LARP4: variants seen among roughly 807,000 people sequenced by gnomAD.
LARP4 encodes La ribonucleoprotein 4, also known as la-related protein 4.
Under a neutral mutation model 92.9 loss-of-function variants are expected in LARP4, and 29 were observed. That is an observed-to-expected ratio of 0.31 (90% CI 0.23 to 0.43). The LOEUF (loss-of-function observed/expected upper bound fraction) is 0.43. LARP4 is among the 20% of genes least tolerant of loss of function. The pLI, the probability that LARP4 is intolerant of heterozygous loss-of-function variation, is 1.00. For synonymous variants in LARP4, 279 were observed against 284.1 expected (o/e 0.98, Z 0.18); for missense variants, 732 against 860.0 (o/e 0.85, Z 1.86).
chr12:50,448,418 A>G (rs1426788548), intron 8 of LARP4, among the ~76,000 whole-genome samples: 1 of 152,142 alleles, frequency 6.6e-6, no homozygotes, highest in African/African-American at 2.4e-5. Flanking sequence ...TGTTTCCTCT[A>G]TATTCCCACT....
chr12:50,471,474 G>T (rs1486798732), intron 13 of LARP4, among the ~76,000 whole-genome samples: 2 of 152,176 alleles, frequency 1.3e-5, no homozygotes, highest in African/African-American at 4.8e-5. Context: ...ATGTGAGCAA[G>T]AACTTTTCTA....
chr12:50,415,238 T>G (rs116791183), intron 1 of LARP4, among the ~76,000 whole-genome samples: 1,968 of 152,158 alleles, frequency 0.013, 46 homozygotes, highest in African/African-American at 0.043. Flanking sequence ...ATAAAATGTA[T>G]AGTCTTAACT....
intron 8 of LARP4, among the ~76,000 whole-genome samples, chr12:50,446,307 A>G (rs1331695647): frequency 2.3e-4 from 25 of 107,756 alleles, no homozygotes; most frequent in African/African-American, 9.2e-4. Context: ...CGCCTGACCA[A>G]TTGCTGTTTT....
intron 1 of LARP4, among the ~76,000 whole-genome samples, chr12:50,423,948 G>A: frequency 6.6e-6 from 1 of 151,848 alleles, no homozygotes; most frequent in East Asian, 1.9e-4. Flanking sequence ...TAGAGACAGG[G>A]TTTCACCATG....
chr12:50,445,580 T>C (rs1447049265), intron 8 of LARP4, among the ~76,000 whole-genome samples: 1 of 152,188 alleles, frequency 6.6e-6, no homozygotes, highest in African/African-American at 2.4e-5. Context: ...GTTGGACTGA[T>C]TGATGTCACT....
At chr12:50,450,569 T>A (rs1278412500) in intron 8 of LARP4, among the ~76,000 whole-genome samples, 3 of 151,754 alleles carry the variant, frequency 2.0e-5, no homozygotes, top group Admixed American at 2.0e-4. Context: ...CATATGAAAA[T>A]CTCGGAAAAA....
intron 12 of LARP4, among the ~76,000 whole-genome samples, chr12:50,463,351 A>C (rs1012563308): frequency 7.3e-6 from 1 of 136,278 alleles, no homozygotes; most frequent in Admixed American, 8.5e-5. Flanking sequence ...TGTGAGGCTG[A>C]GATGTACGGA....
At chr12:50,401,192 C>A (rs903492082) in intron 1 of LARP4, 164 bp downstream of exon 1, 3 of 752,670 alleles carry the variant, frequency 4.0e-6, no homozygotes, top group African/African-American at 3.4e-5. Context: ...TCCCTCTGCG[C>A]GCTCACAACA....
chr12:50,420,289 G>A (rs764196130), intron 1 of LARP4, among the ~76,000 whole-genome samples: 5 of 152,128 alleles, frequency 3.3e-5, no homozygotes, highest in East Asian at 1.9e-4. Context: ...AAGAACGATC[G>A]TAAGAAATTG....
Position 50,461,078 on chromosome 12 carries a change from A to G in LARP4, c.1122-57A>G. On this transcript the variant is annotated intron_variant, in intron 10 of 15. Coordinates refer to ENST00000398473, the MANE Select transcript of LARP4 (RefSeq NM_052879.5). ...AGGAGCCAATTTTTTACCTAAGGAA[A>G]GATGTTTTTCTGTCTCGATTTACTG... 3.5e-6 allele frequency: 5 copies of G among 1,435,152 alleles called. No homozygotes were observed. The South Asian group carries it at 5.8e-5, about 17-fold the overall frequency. The allele number at this position is 1,435,152 out of a possible 1,614,324, so 88.9% of individuals were successfully genotyped here.
rs1196829830 is a variant in LARP4 at position 50,461,256 on chromosome 12, C to A, written c.1243C>A (p.Pro415Thr). The A allele has an allele frequency of 6.2e-7, 1 of 1,613,868 alleles. No homozygotes were observed. Among genetic ancestry groups the A allele is most frequent in the Admixed American group, 1.7e-5 (1 of 59,980 alleles). Residue 415 changes from proline to threonine, a missense_variant, in exon 11 of 16, where the codon CCC becomes ACC. Physicochemically the swap from Pro to Thr is conservative, Grantham distance 38 (BLOSUM62 -1). Around this residue, in one of 7 missense-constraint regions of LARP4, gnomAD observed 264 missense variants for 269.5 expected, o/e 0.98. Transcript: ENST00000398473. ...AAACTTTCCAGCTGAACGGCATAAC[C>A]CCACAGTAACTGGGCATCAGGAGCA... ...SRNFPAERHN[P>T]TVTGHQEQTY...
chr12:50,462,682 A>G (rs369244795), intron 12 of LARP4, 52 bp downstream of exon 12: 18 of 1,205,546 alleles, frequency 1.5e-5, no homozygotes, highest in South Asian at 5.1e-5. Context: ...GTGATTTACT[A>G]TGGCATTGAC....
At chr12:50,441,349 T>A (rs1951176823) in intron 7 of LARP4, 1 of 327,764 alleles carries the variant, frequency 3.1e-6, no homozygotes. Context: ...ATATTTTGGG[T>A]CTGTTTTCAA....
chr12:50,475,934 T>A lies in LARP4; in HGVS notation c.*70T>A, dbSNP rs1026529536. The A allele has an allele frequency of 3.8e-6, 5 of 1,304,772 alleles. No individual in the cohort carries two copies. The African/African-American group carries it at 7.4e-5, about 19-fold the overall frequency. 80.8% of individuals were successfully genotyped at this position (1,304,772 alleles called of 1,614,324 possible). A position where few individuals can be genotyped will look rare whatever the true frequency, so the allele number is the denominator to read the frequency against. On this transcript the variant is annotated 3_prime_UTR_variant, in exon 16 of 16. Transcript: ENST00000398473. The stretch of plus-strand genomic sequence containing the variant: ...CTTGAACTGTGGCTATATTGAACTG[T>A]TTTGGAGGGGAGGGGGTAGCCAGGA...
chr12:50,429,017 A>G lies in LARP4; in HGVS notation c.249A>G (p.Thr83=), dbSNP rs372005439. The change falls in exon 3 of 16, where the codon ACA becomes ACG. Residue 83 remains threonine, a synonymous_variant. Coordinates refer to ENST00000398473, the MANE Select transcript of LARP4 (RefSeq NM_052879.5). ...SSSCETTRNT[T]GIEESTDGMI... Reference sequence around the variant, plus strand: ...CTTGTGAAACCACAAGAAATACTACAGGCATTGAAGAATCAACTGATGGGA... The same window carrying G: ...CTTGTGAAACCACAAGAAATACTACGGGCATTGAAGAATCAACTGATGGGA... 1.9e-6 allele frequency: 3 copies of G among 1,610,544 alleles called. No homozygotes were observed. Among genetic ancestry groups the G allele is most frequent in the African/African-American group, 1.3e-5 (1 of 74,876 alleles).
intron 1 of LARP4, chr12:50,401,338 T>C (rs1384341866): frequency 8.6e-6 from 3 of 348,854 alleles, no homozygotes; most frequent in African/African-American, 2.1e-5. Context: ...GGAGGCAGCA[T>C]TGGGGGGTTG....
intron 1 of LARP4, among the ~76,000 whole-genome samples, chr12:50,408,598 C>T (rs897095030): frequency 2.0e-5 from 3 of 152,134 alleles, no homozygotes; most frequent in Admixed American, 2.0e-4. Context: ...GATAGTATTT[C>T]ATACTACTGA....
intron 1 of LARP4, chr12:50,415,579 T>C (rs1946618825): frequency 6.6e-6 from 1 of 152,174 alleles, no homozygotes; most frequent in Non-Finnish European, 1.5e-5. Flanking sequence ...ATTTGTCATG[T>C]CCGAAGCCTT....
intron 1 of LARP4, among the ~76,000 whole-genome samples, chr12:50,413,723 A>G (rs1946303739): frequency 6.6e-6 from 1 of 152,210 alleles, no homozygotes; most frequent in South Asian, 2.1e-4. Context: ...ATGAAGTTGC[A>G]AAACAGTGTA....
Sources: allele counts gnomAD v4.1 joint callset (sites outside exome capture counted in the v4.1 genomes callset), GRCh38; gene constraint gnomAD v4.1.1; regional missense constraint gnomAD v4.1.1; transcripts MANE v1.5; gene names NCBI Gene and HGNC (gene_info 2026-07-23, HGNC 2026-07-21).